The following DMXL2 variants were observed in gnomAD, a reference collection of about 807,000 sequenced individuals.
DMXL2 encodes Dmx like 2.
A neutral mutation model predicts 331.1 loss-of-function variants in DMXL2; 103 were observed. That is an observed-to-expected ratio of 0.31 (90% CI 0.27 to 0.37). DMXL2 has a LOEUF of 0.37. Among genes scored for constraint, DMXL2 ranks in the 10% least tolerant of loss-of-function variants. The pLI, the probability that DMXL2 is intolerant of heterozygous loss-of-function variation, is 1.00. For missense variants in DMXL2, 3,171 were observed against 3,642.9 expected, an observed-to-expected ratio of 0.87 and a Z score of 3.33; for synonymous variants, 1,281 against 1,252.1, an observed-to-expected ratio of 1.02 and a Z score of -0.49.
rs2043527699 is a variant in DMXL2, at chr15:51,500,696, C to A, written c.2993-465G>T. On this transcript the variant is annotated intron_variant, in intron 17 of 43. Coordinates refer to ENST00000560891, the MANE Select transcript of DMXL2 (RefSeq NM_001378457.1). ...AACCTTCTCTCAAATAATCCAGACCCCAGGTGGTACACCAAATTTTGTTTC... is the reference window on the plus strand; with the variant it reads ...AACCTTCTCTCAAATAATCCAGACCACAGGTGGTACACCAAATTTTGTTTC... Among the ~76,000 whole-genome samples the A allele has an allele frequency of 1.3e-5, 2 of 152,186 alleles. 1 individual carries two copies. The highest frequency in any genetic ancestry group is 4.1e-4 in the South Asian group (2 of 4,830).
At chr15:51,609,473 A>C (rs533297428) in intron 1 of DMXL2, among the ~76,000 whole-genome samples, 1 of 152,368 alleles carries the variant, frequency 6.6e-6, no homozygotes, top group Non-Finnish European at 1.5e-5. Flanking sequence ...TTATAATGCC[A>C]TATTTTCACT....
intron 13 of DMXL2, among the ~76,000 whole-genome samples, chr15:51,522,152 T>TA (rs920792574): frequency 6.6e-6 from 1 of 152,112 alleles, no homozygotes; most frequent in Admixed American, 6.5e-5. Context: ...TTAAATGGAA[T>TA]AAAAAAAACT....
chr15:51,495,569 G>A (rs992223120), intron 18 of DMXL2, among the ~76,000 whole-genome samples: 2 of 152,034 alleles, frequency 1.3e-5, no homozygotes, highest in Admixed American at 6.6e-5. Context: ...TTTCTACTTT[G>A]GTTAAATTAA....
chr15:51,459,225 T>G, intron 34 of DMXL2: 1 of 187,252 alleles, frequency 5.3e-6, no homozygotes, highest in Non-Finnish European at 1.1e-5. Context: ...GAGACAGAAA[T>G]AAGGAAAAGT....
At chr15:51,489,724 CT>C (rs1375797211) in intron 20 of DMXL2, among the ~76,000 whole-genome samples, 1 of 151,968 alleles carries the variant, frequency 6.6e-6, no homozygotes, top group Non-Finnish European at 1.5e-5. Flanking sequence ...ACTCTTTTCC[CT>C]TCCCCCTTTT....
At chr15:51,544,172 G>A (rs369069786) in intron 8 of DMXL2, among the ~76,000 whole-genome samples, 29 of 152,300 alleles carry the variant, frequency 1.9e-4, no homozygotes, top group African/African-American at 6.7e-4. Context: ...TAAATCTCAT[G>A]TTGAATTGTA....
chr15:51,522,597 T>C (rs1247913779), intron 13 of DMXL2, among the ~76,000 whole-genome samples: 1 of 152,196 alleles, frequency 6.6e-6, no homozygotes, highest in Admixed American at 6.5e-5. Context: ...TGAGCTGATA[T>C]CATGCCACTG....
intron 13 of DMXL2, among the ~76,000 whole-genome samples, chr15:51,523,035 CA>C (rs2047465504): frequency 6.6e-6 from 1 of 152,166 alleles, no homozygotes; most frequent in Admixed American, 6.5e-5. Flanking sequence ...ACCTACAGAA[CA>C]ATATTTATAG....
intron 33 of DMXL2, among the ~76,000 whole-genome samples, chr15:51,462,365 C>T (rs1338353543): frequency 2.0e-5 from 3 of 151,962 alleles, no homozygotes; most frequent in Non-Finnish European, 4.4e-5. Flanking sequence ...GACAGAGTTT[C>T]GCTCTTGTTG....
At chr15:51,470,215 C>A (rs10220909) in intron 29 of DMXL2, among the ~76,000 whole-genome samples, 73,931 of 151,732 alleles carry the variant, frequency 0.49, 18,319 homozygotes, top group Non-Finnish European at 0.52. Flanking sequence ...GGCTCACTGC[C>A]ACGCTGACCT....
intron 33 of DMXL2, chr15:51,462,929 G>T (rs558126645): frequency 6.5e-6 from 1 of 153,530 alleles, no homozygotes; most frequent in East Asian, 1.9e-4. Flanking sequence ...TGCTATTTCT[G>T]TAGTTTATTC....
At chr15:51,500,652 T>C (rs1277463714) in intron 17 of DMXL2, among the ~76,000 whole-genome samples, 2 of 152,220 alleles carry the variant, frequency 1.3e-5, no homozygotes, top group Admixed American at 1.3e-4. Context: ...GCTTTACAAT[T>C]TGCCTTTCAA....
intron 1 of DMXL2, among the ~76,000 whole-genome samples, chr15:51,578,890 AGCCTAG>A (rs981449602): frequency 2.6e-5 from 4 of 152,184 alleles, no homozygotes; most frequent in African/African-American, 9.7e-5. Flanking sequence ...AGATCACTTG[AGCCTAG>A]GAGTTCGAGA....
chr15:51,617,519 T>C (rs565825145), intron 1 of DMXL2, among the ~76,000 whole-genome samples: 1 of 152,294 alleles, frequency 6.6e-6, no homozygotes, highest in South Asian at 2.1e-4. Context: ...TCTGATCAAA[T>C]CTTGTAAATA....
At chr15:51,509,080 A>T (rs1292076522) in intron 15 of DMXL2, among the ~76,000 whole-genome samples, 1 of 152,162 alleles carries the variant, frequency 6.6e-6, no homozygotes, top group Admixed American at 6.5e-5. Flanking sequence ...ATCACCCAGA[A>T]TGTTGAACCC....
chr15:51,496,291 T>C (rs1032434676), intron 18 of DMXL2, among the ~76,000 whole-genome samples: 3 of 152,076 alleles, frequency 2.0e-5, no homozygotes, highest in Admixed American at 2.0e-4. Flanking sequence ...ACAAATAATA[T>C]GTGGAAATTA....
intron 11 of DMXL2, 105 bp from the exon 12 acceptor site, chr15:51,536,967 C>A (rs2048323384): frequency 3.1e-6 from 3 of 957,476 alleles, no homozygotes; most frequent in South Asian, 1.8e-5. Context: ...CAAAAAATGT[C>A]ATTTTCAACC....
At chr15:51,468,654 A>C (rs1044987561) in intron 29 of DMXL2, among the ~76,000 whole-genome samples, 1 of 152,220 alleles carries the variant, frequency 6.6e-6, no homozygotes, top group African/African-American at 2.4e-5. Flanking sequence ...ACATTCCAGC[A>C]AATACATGAA....
chr15:51,542,454 A>T lies in DMXL2; in HGVS notation c.984T>A (p.Leu328=). ...LRKGQRRSSV[L]VTHAELMPDQ... is the part of the protein sequence containing the mutation. ...CGGGCATTAATTCAGCATGAGTTAC[A>T]AGAACAGATGACCTCCTCTGTCCTT... The change falls in exon 9 of 44, where the codon CTT becomes CTA. Residue 328 remains leucine (L), a synonymous_variant. Transcript: ENST00000560891. The T allele has an allele frequency of 6.2e-7, 1 of 1,613,800 alleles. No homozygotes were observed. Among genetic ancestry groups the T allele is most frequent in the Non-Finnish European group, 8.5e-7 (1 of 1,179,810 alleles).
Sources: gnomAD v4.1 joint callset for allele counts (sites outside exome capture counted in the v4.1 genomes callset) on GRCh38, gnomAD v4.1.1 for gene constraint, MANE v1.5 for transcripts, NCBI Gene and HGNC (gene_info 2026-07-23, HGNC 2026-07-21) for gene names.